The following TRAPPC9 variants were observed in gnomAD, a reference collection of about 807,000 sequenced individuals.
The protein encoded by TRAPPC9 is IKK2 binding protein.
TRAPPC9 carries 83 observed loss-of-function variants against 124.0 expected under a neutral mutation model. The ratio of observed to expected loss-of-function variants is 0.67; its 90% CI spans 0.56 to 0.80. The LOEUF is 0.80. Among genes scored for constraint, TRAPPC9 ranks in the 30% least tolerant of loss-of-function variants. The pLI is 0.00. For synonymous variants in TRAPPC9, 638 were observed against 617.5 expected (o/e 1.03, Z -0.49); for missense variants, 1,302 against 1,508.3 (o/e 0.86, Z 2.27).
chr8:139,908,016 G>A (rs560827015), intron 20 of TRAPPC9, among the ~76,000 whole-genome samples: 2 of 152,176 alleles, frequency 1.3e-5, no homozygotes, highest in East Asian at 3.9e-4. Context: ...AGGGTGACGT[G>A]GCCCAGGGCA....
Position 139,885,799 on chromosome 8 carries a change from A to G in TRAPPC9, c.3055+80T>C, listed in dbSNP as rs1009729607. ...ACCAACATTTGGGGTGCCCAGCCAC[A>G]CCCCCCAAGACCTTGCTCGTGCATT... is the stretch of plus-strand genomic sequence containing the variant. On this transcript the variant is annotated intron_variant, in intron 21 of 22. Transcript: ENST00000438773. 2.9e-6 allele frequency: 4 copies of G among 1,391,896 alleles called. No homozygotes were observed. The African/African-American group carries it at 5.7e-5, about 20-fold the overall frequency. The allele number at this position is 1,391,896 out of a possible 1,614,324, so 86.2% of individuals were successfully genotyped here.
At chr8:140,219,405 G>T (rs529590843) in intron 17 of TRAPPC9, among the ~76,000 whole-genome samples, 1 of 152,282 alleles carries the variant, frequency 6.6e-6, no homozygotes, top group South Asian at 2.1e-4. Flanking sequence ...AGTCCTTCCG[G>T]TCCCGCATAC....
intron 7 of TRAPPC9, among the ~76,000 whole-genome samples, chr8:140,371,711 C>CT (rs201087701): frequency 0.03 from 4,452 of 149,620 alleles, 226 homozygotes; most frequent in African/African-American, 0.097. Context: ...TGTTTCTTTT[C>CT]TTTTTTTTTT....
At chr8:139,962,308 G>T (rs1278061356) in intron 19 of TRAPPC9, among the ~76,000 whole-genome samples, 1 of 124,498 alleles carries the variant, frequency 8.0e-6, no homozygotes, top group African/African-American at 2.6e-5. Context: ...AAGATTCAGT[G>T]TCTGTAACAT....
rs138786673 is a variant in TRAPPC9, at chr8:140,041,698, G to A, written c.2557-17619C>T. Among the ~76,000 whole-genome samples, 324 of 152,344 alleles carry A rather than the reference G, an allele frequency of 2.1e-3. 4 individuals carry two copies. The highest frequency in any genetic ancestry group is 0.01 in the South Asian group (50 of 4,826). On this transcript the variant is annotated intron_variant, in intron 17 of 22. Coordinates refer to ENST00000438773, the MANE Select transcript of TRAPPC9 (RefSeq NM_001160372.4). ...TCTAATTCCAGCTTCTGGGCCAAGC[G>A]CAGTGGCTCATGCCTGTAATCCCAG...
At chr8:139,795,744 C>T (rs961474069) in intron 21 of TRAPPC9, among the ~76,000 whole-genome samples, 1 of 152,096 alleles carries the variant, frequency 6.6e-6, no homozygotes, top group African/African-American at 2.4e-5. Context: ...TGATGCTCTC[C>T]TGGGCCAGTG....
intron 19 of TRAPPC9, among the ~76,000 whole-genome samples, chr8:139,958,370 C>G (rs1254208584): frequency 2.0e-5 from 3 of 152,214 alleles, no homozygotes; most frequent in Non-Finnish European, 4.4e-5. Context: ...TGGAACCACA[C>G]CGTTCCCACA....
In TRAPPC9 at chr8:140,037,487, A is replaced by G. The variant is rs906440143; in HGVS notation, c.2557-13408T>C. Among the ~76,000 whole-genome samples, 4 of 152,236 alleles carry G rather than the reference A, an allele frequency of 2.6e-5. No homozygotes were observed. In the South Asian group the frequency reaches 8.3e-4, roughly 32 times the overall value. ...AAACCATCACTGGCCCCAATTGCCC[A>G]GCTACAGTTCAGACCTCAGCATAGC... On this transcript the variant is annotated intron_variant, in intron 17 of 22. Coordinates refer to ENST00000438773, the MANE Select transcript of TRAPPC9 (RefSeq NM_001160372.4).
At chr8:139,952,966 C>A (rs1253915090) in intron 19 of TRAPPC9, among the ~76,000 whole-genome samples, 4 of 152,200 alleles carry the variant, frequency 2.6e-5, no homozygotes, top group Non-Finnish European at 4.4e-5. Context: ...CAGAGCTGGA[C>A]TTGAATCCAA....
intron 3 of TRAPPC9, 26 bp downstream of exon 3, chr8:140,439,026 A>G (rs560602850): frequency 6.2e-7 from 1 of 1,613,958 alleles, no homozygotes; most frequent in African/African-American, 1.3e-5. Flanking sequence ...ATTACATATC[A>G]GATCATCTTC....
chr8:140,212,768 T>C (rs903634142), intron 17 of TRAPPC9, among the ~76,000 whole-genome samples: 3 of 152,226 alleles, frequency 2.0e-5, no homozygotes, highest in Admixed American at 1.3e-4. Flanking sequence ...AGGCGTTTTT[T>C]TTCTTTTGTC....
chr8:140,362,056 G>A (rs903922224), intron 8 of TRAPPC9, among the ~76,000 whole-genome samples: 3 of 152,046 alleles, frequency 2.0e-5, no homozygotes, highest in African/African-American at 4.8e-5. Flanking sequence ...CTGTATTTCC[G>A]CTGTATTTTG....
intron 19 of TRAPPC9, among the ~76,000 whole-genome samples, chr8:139,969,199 G>A (rs922067394): frequency 6.6e-6 from 1 of 152,232 alleles, no homozygotes; most frequent in African/African-American, 2.4e-5. Flanking sequence ...ATCCAGTGTC[G>A]CTGCTTTGGG....
chr8:140,256,220 G>A (rs1588024455), intron 15 of TRAPPC9, among the ~76,000 whole-genome samples: 1 of 152,206 alleles, frequency 6.6e-6, no homozygotes, highest in Admixed American at 6.5e-5. Flanking sequence ...AGGGGAATGT[G>A]TGGATACTCA....
chr8:139,790,047 C>T (rs886984909), intron 21 of TRAPPC9, among the ~76,000 whole-genome samples: 4 of 152,178 alleles, frequency 2.6e-5, no homozygotes, highest in Non-Finnish European at 5.9e-5. Context: ...AACATGACGC[C>T]GCGTCGCTGC....
chr8:140,079,563 A>G (rs1051106701), intron 17 of TRAPPC9, among the ~76,000 whole-genome samples: 1 of 152,178 alleles, frequency 6.6e-6, no homozygotes, highest in Non-Finnish European at 1.5e-5. Context: ...ACACCCAAGG[A>G]CCTGGACTAT....
rs188911655 is a variant in TRAPPC9, at chr8:140,348,024, G to A, written c.1495+12026C>T. Among the ~76,000 whole-genome samples, 26 of 152,312 alleles carry A rather than the reference G, an allele frequency of 1.7e-4. 1 individual carries two copies. In the Middle Eastern group the frequency reaches 0.014, roughly 80 times the overall value. On this transcript the variant is annotated intron_variant, in intron 9 of 22. Transcript: ENST00000438773. ...ACTGGGCTGAGAAGAATTTGCCATC[G>A]GCAACTCCAGCAGCTCTAAGAAGGG...
At chr8:139,859,350 C>T (rs1229402073) in intron 21 of TRAPPC9, among the ~76,000 whole-genome samples, 2 of 152,154 alleles carry the variant, frequency 1.3e-5, no homozygotes, top group Admixed American at 6.5e-5. Context: ...CAATCACTAC[C>T]GCTCACTGTC....
intron 17 of TRAPPC9, among the ~76,000 whole-genome samples, chr8:140,115,070 GA>G (rs1178489995): frequency 6.6e-6 from 1 of 152,092 alleles, no homozygotes. Flanking sequence ...TGTGCTAATT[GA>G]AGCAATAAAA....
Sources: gnomAD v4.1 joint callset for allele counts (sites outside exome capture counted in the v4.1 genomes callset) on GRCh38, gnomAD v4.1.1 for gene constraint, MANE v1.5 for transcripts, NCBI Gene and HGNC (gene_info 2026-07-23, HGNC 2026-07-21) for gene names.